ARFGEF2: variants seen among roughly 807,000 people sequenced by gnomAD.
The protein encoded by ARFGEF2 is brefeldin A-inhibited guanine nucleotide-exchange protein 2.
ARFGEF2 carries 74 observed loss-of-function variants against 219.9 expected under a neutral mutation model. That is an observed-to-expected ratio of 0.34 (90% confidence interval 0.28 to 0.41). The LOEUF is 0.41. Among genes scored for constraint, ARFGEF2 ranks in the 10% least tolerant of loss-of-function variants. The pLI, the probability that ARFGEF2 is intolerant of heterozygous loss-of-function variation, is 1.00. For missense variants in ARFGEF2, 1,743 were observed against 2,218.3 expected (o/e 0.79, Z 4.30); for synonymous variants, 733 against 799.2 (o/e 0.92, Z 1.40).
intron 6 of ARFGEF2, among the ~76,000 whole-genome samples, chr20:48,956,791 G>A (rs2091108482): frequency 6.6e-6 from 1 of 152,136 alleles, no homozygotes; most frequent in South Asian, 2.1e-4. Flanking sequence ...TGTTGGCCAG[G>A]CTGATCTCGA....
intron 37 of ARFGEF2, among the ~76,000 whole-genome samples, chr20:49,029,804 G>A (rs1317905041): frequency 6.6e-6 from 1 of 151,858 alleles, no homozygotes; most frequent in Non-Finnish European, 1.5e-5. Flanking sequence ...TGTTGGTCAG[G>A]CTAGTCTCAA....
chr20:48,984,618 T>C, intron 14 of ARFGEF2, 111 bp from the exon 15 acceptor site: 4 of 1,375,738 alleles, frequency 2.9e-6, no homozygotes, highest in Non-Finnish European at 4.1e-6. Flanking sequence ...TGCTAGCTTA[T>C]ACGTGATGGC....
Position 48,962,358 on chromosome 20 carries a change from C to T in ARFGEF2, c.839-1472C>T, listed in dbSNP as rs552035901. ...AATAAGTTGTGCTGTGACATAATGA[C>T]GGCTATGATGTCACTAGACGATAGG... On this transcript the variant is annotated intron_variant, in intron 6 of 38. Transcript: ENST00000371917. Among the ~76,000 whole-genome samples the T allele has an allele frequency of 2.8e-4, 42 of 152,268 alleles. 1 individual carries two copies. Among genetic ancestry groups the T allele is most frequent in the African/African-American group, 9.6e-4 (40 of 41,556 alleles).
intron 2 of ARFGEF2, 78 bp from the exon 3 acceptor site, chr20:48,941,786 T>C: frequency 6.2e-7 from 1 of 1,602,722 alleles, no homozygotes; most frequent in East Asian, 2.2e-5. Flanking sequence ...AATTAAATGG[T>C]TGCAGATGGA....
Position 48,976,186 on chromosome 20 carries a change from C to T in ARFGEF2, c.1945C>T (p.His649Tyr), listed in dbSNP as rs2091260006. 8 of 1,613,982 alleles carry T rather than the reference C, an allele frequency of 5.0e-6. No homozygotes were observed. Among genetic ancestry groups the T allele is most frequent in the Non-Finnish European group, 6.8e-6 (8 of 1,180,002 alleles). The change falls in exon 14 of 39, where the codon CAC (histidine) becomes TAC (tyrosine). Residue 649 changes from histidine (H) to tyrosine (Y), a missense_variant. This residue lies in a region of ARFGEF2 where 666 missense variants were observed against 955.4 expected (regional missense o/e 0.70). Transcript: ENST00000371917. ...VIKQQKEIIE[H>Y]GIELFNKKPK... ...CAAGCAACAAAAAGAAATCATTGAA[C>T]ACGGCATCGAGCTGTGAGTGGGGCT...
intron 8 of ARFGEF2, among the ~76,000 whole-genome samples, chr20:48,968,588 C>T (rs1288040209): frequency 6.6e-6 from 1 of 151,534 alleles, no homozygotes; most frequent in African/African-American, 2.4e-5. Flanking sequence ...TCTGGAACTC[C>T]TTACCTGAAC....
At chr20:48,976,535 G>A (rs1383973452) in intron 14 of ARFGEF2, among the ~76,000 whole-genome samples, 1 of 152,138 alleles carries the variant, frequency 6.6e-6, no homozygotes, top group Non-Finnish European at 1.5e-5. Context: ...ATGGCCCGGC[G>A]CAGTGGCTCA....
rs1254613395 is a variant in ARFGEF2, at chr20:48,922,570, C to T, written c.121+560C>T. Among the ~76,000 whole-genome samples, 5 of 152,348 alleles carry T rather than the reference C, an allele frequency of 3.3e-5. 1 individual carries two copies. ...TAGTGAGCAAGACATCTGCTTATTC[C>T]TAGCAGTCCACTAAAATACAAGGTC... On this transcript the variant is annotated intron_variant, in intron 1 of 38. Coordinates refer to ENST00000371917, the MANE Select transcript of ARFGEF2 (RefSeq NM_006420.3).
intron 27 of ARFGEF2, 95 bp downstream of exon 27, chr20:49,010,499 A>T: frequency 7.0e-7 from 1 of 1,433,396 alleles, no homozygotes; most frequent in Non-Finnish European, 9.7e-7. Context: ...GGGCTTCCCT[A>T]CCTTGGCTCT....
rs368246400 is a variant in ARFGEF2 at position 48,985,597 on chromosome 20, A to G, written c.2260A>G (p.Ile754Val). Reference protein sequence around the residue: ...RLMEKFAARYIECNQGQTLFA... With the variant: ...RLMEKFAARYVECNQGQTLFA... The stretch of plus-strand genomic sequence containing the variant: ...AATGGAGAAGTTTGCCGCAAGATAC[A>G]TAGAATGCAACCAAGGGTGAGCGCC... Residue 754 changes from isoleucine (I) to valine (V), a missense_variant, in exon 16 of 39, where the codon ATA becomes GTA. By Grantham distance (29) the Ile-to-Val change is conservative. Transcript: ENST00000371917. The G allele has an allele frequency of 2.4e-5, 38 of 1,614,122 alleles. No homozygotes were observed. The Middle Eastern group carries it at 4.9e-4, about 21-fold the overall frequency.
At chr20:48,982,119 T>G (rs754851812) in intron 14 of ARFGEF2, among the ~76,000 whole-genome samples, 13 of 152,152 alleles carry the variant, frequency 8.5e-5, no homozygotes, top group Non-Finnish European at 1.9e-4. Flanking sequence ...TCTTTGTGGT[T>G]TTATCTATCT....
intron 27 of ARFGEF2, 125 bp downstream of exon 27, chr20:49,010,529 C>G: frequency 1.8e-6 from 2 of 1,110,186 alleles, no homozygotes; most frequent in Non-Finnish European, 2.7e-6. Flanking sequence ...TAGTAATGTG[C>G]CAGGCCGTGT....
intron 36 of ARFGEF2, among the ~76,000 whole-genome samples, chr20:49,026,388 GGTA>G (rs2091602810): frequency 6.6e-6 from 1 of 151,840 alleles, no homozygotes; most frequent in Non-Finnish European, 1.5e-5. Flanking sequence ...TAAAAAGTGT[GGTA>G]GTCTAGGAAA....
At chr20:48,958,385 T>C (rs1363756376) in intron 6 of ARFGEF2, among the ~76,000 whole-genome samples, 1 of 152,038 alleles carries the variant, frequency 6.6e-6, no homozygotes, top group African/African-American at 2.4e-5. Flanking sequence ...GAGCCCTCGC[T>C]GTTATTCATC....
intron 8 of ARFGEF2, 100 bp downstream of exon 8, chr20:48,966,123 A>G: frequency 6.9e-7 from 1 of 1,455,656 alleles, no homozygotes; most frequent in Non-Finnish European, 9.5e-7. Context: ...AAAATAAGCA[A>G]GCCCTGTTCC....
At chr20:48,987,999 G>T (rs923245376) in intron 16 of ARFGEF2, among the ~76,000 whole-genome samples, 2 of 152,096 alleles carry the variant, frequency 1.3e-5, no homozygotes, top group Non-Finnish European at 2.9e-5. Flanking sequence ...TGTTGGCCAG[G>T]CTGGTCTCGA....
chr20:48,942,041 G>T, intron 3 of ARFGEF2, 54 bp downstream of exon 3: 2 of 1,610,604 alleles, frequency 1.2e-6, no homozygotes, highest in South Asian at 2.2e-5. Context: ...GCCACAGTTG[G>T]TCCTTACACA....
At chr20:49,002,775 G>A (rs1422551227) in intron 25 of ARFGEF2, among the ~76,000 whole-genome samples, 1 of 149,624 alleles carries the variant, frequency 6.7e-6, no homozygotes, top group African/African-American at 2.5e-5. Flanking sequence ...CTCCCAAGTA[G>A]CTGGGATTAT....
chr20:48,958,740 C>G (rs1452518983), intron 6 of ARFGEF2, among the ~76,000 whole-genome samples: 1 of 152,182 alleles, frequency 6.6e-6, no homozygotes, highest in Non-Finnish European at 1.5e-5. Context: ...CCGTGCCCAG[C>G]CTTCTCTGAT....
Sources: gnomAD v4.1 joint callset for allele counts (sites outside exome capture counted in the v4.1 genomes callset) on GRCh38, gnomAD v4.1.1 for gene constraint, gnomAD v4.1.1 regional missense constraint, MANE v1.5 for transcripts, NCBI Gene and HGNC (gene_info 2026-07-23, HGNC 2026-07-21) for gene names.